Variants in MCPH1 observed in about 807,000 individuals in gnomAD.
MCPH1 encodes the protein microcephalin 1.
MCPH1 carries 104 observed loss-of-function variants against 84.5 expected under a neutral mutation model. The observed-to-expected ratio is 1.23, with a 90% CI of 1.05 to 1.45. The LOEUF (loss-of-function observed/expected upper bound fraction) is 1.45, where lower values mean the gene tolerates loss of function less well. MCPH1 is among the 40% of genes most tolerant of loss of function. The pLI is 0.00. For missense variants in MCPH1, 1,498 were observed against 1,005.7 expected, an observed-to-expected ratio of 1.49 and a Z score of -6.62; for synonymous variants, 514 against 366.8, an observed-to-expected ratio of 1.40 and a Z score of -4.58.
Position 6,644,077 on chromosome 8 carries a change from C to T in MCPH1, c.*1028C>T, listed in dbSNP as rs536501604. On this transcript the variant is annotated 3_prime_UTR_variant, in exon 14 of 14. Transcript: ENST00000344683. ...ACCAGCCTGACCAACGCAGCAAAAC[C>T]CATCTCTACTAAAAATACAAAAATC... 1 of 152,286 alleles carries T rather than the reference C, an allele frequency of 6.6e-6. No homozygotes were observed. The highest frequency in any genetic ancestry group is 2.1e-4 in the South Asian group (1 of 4,814). The allele number at this position is 152,286 out of a possible 1,614,324, so 9.4% of individuals were successfully genotyped here.
At chr8:6,607,240 G>C (rs535091667) in intron 12 of MCPH1, among the ~76,000 whole-genome samples, 1 of 152,264 alleles carries the variant, frequency 6.6e-6, no homozygotes, top group East Asian at 1.9e-4. Context: ...TGAAGACACA[G>C]AGCACAGAGA....
chr8:6,425,784 A>G (rs1800974332), intron 3 of MCPH1, among the ~76,000 whole-genome samples: 1 of 152,180 alleles, frequency 6.6e-6, no homozygotes, highest in Non-Finnish European at 1.5e-5. Flanking sequence ...ATAGGAGGCA[A>G]TGGTAGTGGC....
chr8:6,455,848 T>G (rs2922824), intron 9 of MCPH1, among the ~76,000 whole-genome samples: 44,427 of 152,102 alleles, frequency 0.29, 9,192 homozygotes, highest in African/African-American at 0.59. Context: ...TGTGCCTCAT[T>G]TTTATGAGGC....
chr8:6,428,481 C>T (rs1287887178), intron 3 of MCPH1, among the ~76,000 whole-genome samples: 1 of 152,224 alleles, frequency 6.6e-6, no homozygotes, highest in Non-Finnish European at 1.5e-5. Context: ...ACATTTTCGT[C>T]ACCTCAAAAT....
intron 9 of MCPH1, among the ~76,000 whole-genome samples, chr8:6,476,109 G>A (rs986003676): frequency 2.0e-5 from 3 of 152,102 alleles, no homozygotes; most frequent in Non-Finnish European, 4.4e-5. Flanking sequence ...CATACAAACA[G>A]ACATAGATAA....
intron 12 of MCPH1, among the ~76,000 whole-genome samples, chr8:6,567,119 G>A (rs1274784664): frequency 7.2e-6 from 1 of 139,022 alleles, no homozygotes; most frequent in Non-Finnish European, 1.6e-5. Flanking sequence ...TGCACGCGGT[G>A]CGGTGACCGT....
chr8:6,629,027 G>A (rs141354945), intron 13 of MCPH1, among the ~76,000 whole-genome samples: 2 of 152,290 alleles, frequency 1.3e-5, no homozygotes, highest in Non-Finnish European at 2.9e-5. Flanking sequence ...GCTGAATTTT[G>A]TCTCCCCAGA....
chr8:6,442,917 A>C (rs988201017), intron 7 of MCPH1, among the ~76,000 whole-genome samples: 1 of 152,090 alleles, frequency 6.6e-6, no homozygotes, highest in Non-Finnish European at 1.5e-5. Flanking sequence ...TAATCCTTGT[A>C]CTCTCACCTC....
chr8:6,426,371 A>T (rs1411724419), intron 3 of MCPH1, among the ~76,000 whole-genome samples: 1 of 152,162 alleles, frequency 6.6e-6, no homozygotes, highest in Non-Finnish European at 1.5e-5. Context: ...ACCCCAGGGC[A>T]GCCACAGATC....
At chr8:6,440,239 C>G (rs1192490818) in intron 6 of MCPH1, among the ~76,000 whole-genome samples, 2 of 151,830 alleles carry the variant, frequency 1.3e-5, no homozygotes, top group Non-Finnish European at 2.9e-5. Flanking sequence ...TTTGGTTGTT[C>G]TTGTTTTTTT....
At chr8:6,407,604 A>G (rs1270334051) in intron 1 of MCPH1, among the ~76,000 whole-genome samples, 1 of 152,238 alleles carries the variant, frequency 6.6e-6, no homozygotes, top group African/African-American at 2.4e-5. Flanking sequence ...CTCATAGCCA[A>G]AAGTAAAGAC....
At position 6,452,654 on chromosome 8, in the gene MCPH1, G is replaced by C. The variant is rs1256932542; in HGVS notation, c.1826-2489G>C. Among the ~76,000 whole-genome samples, 3 of 152,218 alleles carry C rather than the reference G, an allele frequency of 2.0e-5. No individual in the cohort carries two copies. The East Asian group carries it at 5.8e-4, about 29-fold the overall frequency. On this transcript the variant is annotated intron_variant, in intron 8 of 13. Transcript: ENST00000344683. The stretch of plus-strand genomic sequence containing the variant: ...GAGGTCTTGAAGATGGGGGCTTCAT[G>C]ATGAGATTAGGACCATTATAAAAAG...
At chr8:6,411,379 C>T (rs1470018056) in intron 2 of MCPH1, among the ~76,000 whole-genome samples, 1 of 152,106 alleles carries the variant, frequency 6.6e-6, no homozygotes, top group African/African-American at 2.4e-5. Flanking sequence ...TAACAAAAAG[C>T]AAGTGACCAA....
At chr8:6,521,445 T>A (rs1817315947) in intron 12 of MCPH1, 1 of 1,394,726 alleles carries the variant, frequency 7.2e-7, no homozygotes, top group African/African-American at 1.4e-5. Context: ...TAGTGAAGGC[T>A]ATTCTAATGA....
chr8:6,535,955 G>C (rs1820407711), intron 12 of MCPH1, among the ~76,000 whole-genome samples: 3 of 152,066 alleles, frequency 2.0e-5, no homozygotes, highest in African/African-American at 7.2e-5. Flanking sequence ...TACTGGGGAG[G>C]CTGAGGTGGG....
At chr8:6,544,169 C>G (rs981365856) in intron 12 of MCPH1, among the ~76,000 whole-genome samples, 2 of 152,174 alleles carry the variant, frequency 1.3e-5, no homozygotes, top group African/African-American at 2.4e-5. Flanking sequence ...GGAAGTGTAA[C>G]AAGTACGAAT....
intron 12 of MCPH1, among the ~76,000 whole-genome samples, chr8:6,612,586 C>G (rs1830380192): frequency 6.6e-6 from 1 of 152,264 alleles, no homozygotes; most frequent in Non-Finnish European, 1.5e-5. Context: ...CTGACCCCCA[C>G]TGCGTCCGGC....
At chr8:6,488,252 C>T (rs1030327697) in intron 11 of MCPH1, among the ~76,000 whole-genome samples, 2 of 152,194 alleles carry the variant, frequency 1.3e-5, no homozygotes, top group African/African-American at 2.4e-5. Flanking sequence ...CCCCAAGGTG[C>T]GCATTTCCCA....
At chr8:6,604,160 G>A (rs1829577890) in intron 12 of MCPH1, among the ~76,000 whole-genome samples, 1 of 150,374 alleles carries the variant, frequency 6.7e-6, no homozygotes, top group Non-Finnish European at 1.5e-5. Flanking sequence ...CCCCCATGCT[G>A]TCATAGGCCG....
Sources: gnomAD v4.1 joint callset for allele counts (sites outside exome capture counted in the v4.1 genomes callset) on GRCh38, gnomAD v4.1.1 for gene constraint, MANE v1.5 for transcripts, NCBI Gene and HGNC (gene_info 2026-07-23, HGNC 2026-07-21) for gene names.